GTF3C3: variants seen among roughly 807,000 people sequenced by gnomAD.
GTF3C3 encodes general transcription factor 3C polypeptide 3.
A neutral mutation model predicts 105.2 loss-of-function variants in GTF3C3; 75 were observed. That is an observed-to-expected ratio of 0.71 (90% CI 0.59 to 0.86). The LOEUF is 0.86. Ranked by LOEUF, GTF3C3 falls within the 40% of genes least tolerant of loss-of-function variation. GTF3C3 has a pLI of 0.00. For missense variants in GTF3C3, 856 were observed against 1,076.5 expected (o/e 0.80, Z 2.87); for synonymous variants, 335 against 370.4 (o/e 0.90, Z 1.10).
At chr2:196,784,711 TGA>T (rs1699423401) in intron 8 of GTF3C3, 144 bp downstream of exon 8, 4 of 1,041,148 alleles carry the variant, frequency 3.8e-6, no homozygotes, top group Non-Finnish European at 5.0e-6. Context: ...ATGAAATCTC[TGA>T]GAAAAAAATG....
rs776670859 is a variant in GTF3C3, at chr2:196,772,996, T to C, written c.1989A>G (p.Gln663=). The C allele has an allele frequency of 6.2e-7, 1 of 1,611,544 alleles. No homozygotes were observed. The highest frequency in any genetic ancestry group is 8.5e-7 in the Non-Finnish European group (1 of 1,179,330). The change falls in exon 14 of 18, where the codon CAA becomes CAG. Residue 663 remains glutamine (Q), a synonymous_variant. Coordinates refer to ENST00000263956, the MANE Select transcript of GTF3C3 (RefSeq NM_012086.5). ...LEYYSFYDDR[Q]KRKELEYFGL... ...CAAAGTATTCTAGTTCTTTGCGTTT[T>C]TGCCTGTCATCATAAAATGAGTAAT...
intron 6 of GTF3C3, among the ~76,000 whole-genome samples, chr2:196,785,879 C>T (rs567810416): frequency 6.6e-6 from 1 of 152,232 alleles, no homozygotes; most frequent in South Asian, 2.1e-4. Context: ...ATCTACAAAG[C>T]ATAGGTCCTA....
At position 196,795,064 on chromosome 2, in the gene GTF3C3, CAG is replaced by C. The variant is rs1219361967; in HGVS notation, c.215-1914_215-1913del. 4.1e-5 allele frequency among the ~76,000 whole-genome samples: 6 copies of C among 145,880 alleles called. No homozygotes were observed. The East Asian group carries it at 8.2e-4, about 20-fold the overall frequency. On this transcript the variant is annotated intron_variant, in intron 2 of 17. Coordinates refer to ENST00000263956, the MANE Select transcript of GTF3C3 (RefSeq NM_012086.5). ...TTTGTTTTGTTTTGTTTTTTTTAGA[CAG>C]AGTCTTGCTCTGTCGCCCAGGCTGG...
At chr2:196,780,148 T>G in intron 9 of GTF3C3, 1 of 340,800 alleles carries the variant, frequency 2.9e-6, no homozygotes, top group Non-Finnish European at 4.2e-6. Context: ...TCCCAACCCA[T>G]GAGGGTATGG....
rs976926717 is a variant in GTF3C3 at position 196,792,251 on chromosome 2, G to A, written c.411+705C>T. Among the ~76,000 whole-genome samples, 9 of 152,198 alleles carry A rather than the reference G, an allele frequency of 5.9e-5. No individual in the cohort carries two copies. In the East Asian group the frequency reaches 7.7e-4, roughly 13 times the overall value. ...CAGCTCACTGCAGCCTCGACTTCCC[G>A]TGCTCAAGCATCCTCCCACCTCAGC... On this transcript the variant is annotated intron_variant, in intron 3 of 17. Coordinates refer to ENST00000263956, the MANE Select transcript of GTF3C3 (RefSeq NM_012086.5).
At chr2:196,784,537 T>C (rs1159939066) in intron 8 of GTF3C3, among the ~76,000 whole-genome samples, 2 of 152,164 alleles carry the variant, frequency 1.3e-5, no homozygotes, top group Non-Finnish European at 1.5e-5. Flanking sequence ...GAAAAGTAAA[T>C]TGCTTCAGTG....
At chr2:196,781,358 ATATAT>A (rs1228927813) in intron 8 of GTF3C3, among the ~76,000 whole-genome samples, 1 of 31,928 alleles carries the variant, frequency 3.1e-5, no homozygotes, top group African/African-American at 1.4e-4. Flanking sequence ...AAAAAAAAAA[ATATAT>A]ATATATATAT....
chr2:196,780,517 C>T (rs1366454717), intron 9 of GTF3C3, 42 bp downstream of exon 9: 1 of 1,586,720 alleles, frequency 6.3e-7, no homozygotes. Context: ...AGAGATGGTG[C>T]ATTTGATCTG....
chr2:196,772,336 G>C (rs562264645), intron 14 of GTF3C3, among the ~76,000 whole-genome samples: 252 of 152,082 alleles, frequency 1.7e-3, no homozygotes, highest in African/African-American at 5.7e-3. Flanking sequence ...GGCACCTGAG[G>C]TCGGGAGTTG....
At chr2:196,792,925 T>C in intron 3 of GTF3C3, 31 bp downstream of exon 3, 1 of 1,481,312 alleles carries the variant, frequency 6.8e-7, no homozygotes, top group South Asian at 1.1e-5. Flanking sequence ...TTCTTCATTG[T>C]TTATAAATAC....
intron 8 of GTF3C3, among the ~76,000 whole-genome samples, chr2:196,782,899 A>G (rs1699390908): frequency 6.6e-6 from 1 of 152,184 alleles, no homozygotes; most frequent in Non-Finnish European, 1.5e-5. Context: ...TTATTAACTA[A>G]CATTTAACAT....
intron 2 of GTF3C3, among the ~76,000 whole-genome samples, chr2:196,793,718 G>C (rs887122535): frequency 6.6e-6 from 1 of 152,064 alleles, no homozygotes; most frequent in Admixed American, 6.6e-5. Flanking sequence ...AGAATGCCTA[G>C]CATATAGTAA....
intron 1 of GTF3C3, among the ~76,000 whole-genome samples, chr2:196,798,146 A>G (rs1376933050): frequency 6.6e-6 from 1 of 152,206 alleles, no homozygotes; most frequent in African/African-American, 2.4e-5. Flanking sequence ...CAAAGTACTT[A>G]TATCTTACCC....
intron 17 of GTF3C3, among the ~76,000 whole-genome samples, chr2:196,766,010 CA>C (rs11424716): frequency 0.17 from 14,490 of 87,032 alleles, 525 homozygotes; most frequent in African/African-American, 0.29. Context: ...ACTCTGTCTC[CA>C]AAAAAAAAAA....
intron 6 of GTF3C3, among the ~76,000 whole-genome samples, chr2:196,788,886 A>G (rs546418985): frequency 6.6e-6 from 1 of 152,162 alleles, no homozygotes; most frequent in Admixed American, 6.5e-5. Flanking sequence ...ACAACACAGC[A>G]AGACCCTGTC....
chr2:196,774,846 A>T (rs1463056945), intron 13 of GTF3C3: 1 of 221,126 alleles, frequency 4.5e-6, no homozygotes, highest in Non-Finnish European at 8.7e-6. Context: ...CTTAAAATAT[A>T]TTTTCTTTTT....
In GTF3C3 at chr2:196,779,083, A is replaced by G. The variant is rs780395145; in HGVS notation, c.1219-16T>C. 12 of 1,607,834 alleles carry G rather than the reference A, an allele frequency of 7.5e-6. No individual in the cohort carries two copies. Among genetic ancestry groups the G allele is most frequent in the Non-Finnish European group, 7.7e-6 (9 of 1,175,514 alleles). On this transcript the variant is annotated splice_polypyrimidine_tract_variant and intron_variant, in intron 9 of 17. Coordinates refer to ENST00000263956, the MANE Select transcript of GTF3C3 (RefSeq NM_012086.5). Reference sequence around the variant, plus strand: ...TCAAGAGAGGCTAGACCACAAATAAAAGCCCCAAGTTAAACATTCATTACA... The same window carrying G: ...TCAAGAGAGGCTAGACCACAAATAAGAGCCCCAAGTTAAACATTCATTACA...
Position 196,778,978 on chromosome 2 carries a change from T to C in GTF3C3, c.1308A>G (p.Glu436=). ...TGAGGAGGGGAAGTGCAGAATTATATTCACCAACATCCAGAAAAGCTTCAG... is the reference window on the plus strand; with the variant it reads ...TGAGGAGGGGAAGTGCAGAATTATACTCACCAACATCCAGAAAAGCTTCAG... ...DVAEAFLDVG[E]YNSALPLLSA... Residue 436 remains glutamate, a synonymous_variant, in exon 10 of 18, where the codon GAA becomes GAG. Transcript: ENST00000263956. 1 of 1,613,856 alleles carries C rather than the reference T, an allele frequency of 6.2e-7. No individual in the cohort carries two copies. Among genetic ancestry groups the C allele is most frequent in the South Asian group, 1.1e-5 (1 of 91,068 alleles).
At chr2:196,788,666 C>T (rs548282823) in intron 6 of GTF3C3, among the ~76,000 whole-genome samples, 12 of 152,258 alleles carry the variant, frequency 7.9e-5, no homozygotes, top group African/African-American at 2.9e-4. Flanking sequence ...GGACATGTCC[C>T]ATTTTTAAGC....
Sources: gnomAD v4.1 joint callset for allele counts (sites outside exome capture counted in the v4.1 genomes callset) on GRCh38, gnomAD v4.1.1 for gene constraint, MANE v1.5 for transcripts, NCBI Gene and HGNC (gene_info 2026-07-23, HGNC 2026-07-21) for gene names.